Variants in IL1RAPL2 observed in about 807,000 individuals in gnomAD.
IL1RAPL2 encodes the protein X-linked interleukin-1 receptor accessory protein-like 2.
Under a neutral mutation model 44.1 loss-of-function variants are expected in IL1RAPL2, and 3 were observed. That is an observed-to-expected ratio of 0.07 (90% CI 0.03 to 0.18). IL1RAPL2 has a LOEUF of 0.18. Ranked by LOEUF, IL1RAPL2 falls within the 10% of genes least tolerant of loss-of-function variation. The probability of loss-of-function intolerance (pLI) is 1.00; values close to 1 mark genes in which losing one functional copy is unlikely to be tolerated. For synonymous variants in IL1RAPL2, 181 were observed against 178.8 expected (o/e 1.01, Z -0.10); for missense variants, 391 against 496.4 (o/e 0.79, Z 2.02).
At chrX:105,494,193 G>C (rs998851964) in intron 6 of IL1RAPL2, among the ~76,000 whole-genome samples, 3 of 111,476 alleles carry the variant, frequency 2.7e-5, no homozygotes, top group Non-Finnish European at 5.6e-5. Flanking sequence ...TGTCTGTGTT[G>C]ATATCAATAC....
At chrX:105,281,407 G>A (rs1288218596) in intron 5 of IL1RAPL2, among the ~76,000 whole-genome samples, 1 of 111,620 alleles carries the variant, frequency 9.0e-6, no homozygotes, top group Non-Finnish European at 1.9e-5. Context: ...ATGTACCCCA[G>A]AACTTAAAGT....
At chrX:104,670,625 G>T (rs192855613) in intron 2 of IL1RAPL2, among the ~76,000 whole-genome samples, 4 of 110,625 alleles carry the variant, frequency 3.6e-5, no homozygotes, top group Admixed American at 9.6e-5. Context: ...TTAGATTCGG[G>T]GGTATACACG....
intron 2 of IL1RAPL2, among the ~76,000 whole-genome samples, chrX:104,771,571 T>A (rs2147597706): frequency 8.9e-6 from 1 of 112,571 alleles, no homozygotes; most frequent in South Asian, 3.7e-4. Flanking sequence ...ACCATAATAG[T>A]TGGGTTTTTT....
intron 4 of IL1RAPL2, among the ~76,000 whole-genome samples, chrX:105,262,691 A>G (rs1356237921): frequency 1.8e-5 from 2 of 111,470 alleles, no homozygotes; most frequent in Admixed American, 9.6e-5. Flanking sequence ...GTGGGCTACC[A>G]ATATCAACAT....
At chrX:105,701,947 G>A (rs1213149900) in intron 6 of IL1RAPL2, among the ~76,000 whole-genome samples, 1 of 111,058 alleles carries the variant, frequency 9.0e-6, no homozygotes, top group Middle Eastern at 4.2e-3. Context: ...ATTTCCATAG[G>A]TATTTGTGTT....
chrX:105,103,954 T>C (rs146886701), intron 2 of IL1RAPL2, among the ~76,000 whole-genome samples: 1,456 of 112,248 alleles, frequency 0.013, 29 homozygotes, highest in African/African-American at 0.044. Context: ...TGGGTAAAAG[T>C]CTACCCTGGT....
intron 3 of IL1RAPL2, among the ~76,000 whole-genome samples, chrX:105,229,493 C>A (rs2034048505): frequency 8.9e-6 from 1 of 112,161 alleles, no homozygotes; most frequent in Middle Eastern, 4.6e-3. Flanking sequence ...ATGTCAGTGA[C>A]CACAATGAGA....
At chrX:105,574,888 C>T (rs1217036179) in intron 6 of IL1RAPL2, among the ~76,000 whole-genome samples, 1 of 111,276 alleles carries the variant, frequency 9.0e-6, no homozygotes. Flanking sequence ...GCATTCTATA[C>T]AACATGCTAA....
intron 5 of IL1RAPL2, among the ~76,000 whole-genome samples, chrX:105,444,553 T>C (rs1188181164): frequency 8.9e-6 from 1 of 111,869 alleles, no homozygotes; most frequent in African/African-American, 3.2e-5. Flanking sequence ...TTCTTCTGCA[T>C]ATTTTTTAAT....
chrX:104,947,676 C>T (rs1925423815), intron 2 of IL1RAPL2, among the ~76,000 whole-genome samples: 1 of 110,176 alleles, frequency 9.1e-6, no homozygotes, highest in Non-Finnish European at 1.9e-5. Context: ...AATAGGGAAT[C>T]CTTTCCCCAT....
chrX:104,682,432 A>G (rs1156720574), intron 2 of IL1RAPL2, among the ~76,000 whole-genome samples: 3 of 112,606 alleles, frequency 2.7e-5, no homozygotes, highest in Non-Finnish European at 5.6e-5. Flanking sequence ...TCATTATATC[A>G]TACATATACA....
At chrX:105,035,779 A>T (rs7058635) in intron 2 of IL1RAPL2, among the ~76,000 whole-genome samples, 4,341 of 112,412 alleles carry the variant, frequency 0.039, 231 homozygotes, top group African/African-American at 0.13. Flanking sequence ...GCATATTTAT[A>T]TTTAAAGAGA....
intron 6 of IL1RAPL2, among the ~76,000 whole-genome samples, chrX:105,701,712 T>C (rs1023488106): frequency 8.0e-5 from 9 of 112,124 alleles, no homozygotes; most frequent in African/African-American, 2.9e-4. Context: ...TATTTGATCA[T>C]TTTAAGAGCA....
chrX:104,970,964 C>T (rs190471668), intron 2 of IL1RAPL2, among the ~76,000 whole-genome samples: 1 of 111,929 alleles, frequency 8.9e-6, no homozygotes, highest in South Asian at 3.8e-4. Flanking sequence ...ATTGTCTTTA[C>T]CTAGAACTTT....
chrX:104,585,342 AT>A (rs1928522382), intron 1 of IL1RAPL2, among the ~76,000 whole-genome samples: 1 of 13,323 alleles, frequency 7.5e-5, no homozygotes, highest in Non-Finnish European at 1.1e-4. Context: ...TATATTATAT[AT>A]TATATATATT....
chrX:105,661,446 A>G (rs924099403), intron 6 of IL1RAPL2, among the ~76,000 whole-genome samples: 2 of 112,216 alleles, frequency 1.8e-5, no homozygotes, highest in Non-Finnish European at 3.8e-5. Context: ...TTTACAGAAC[A>G]TTTCATCCAA....
At chrX:104,813,931 T>C (rs1209538062) in intron 2 of IL1RAPL2, among the ~76,000 whole-genome samples, 1 of 112,068 alleles carries the variant, frequency 8.9e-6, no homozygotes, top group Non-Finnish European at 1.9e-5. Context: ...GTAATTGTCA[T>C]TTTGAAGGTC....
intron 2 of IL1RAPL2, among the ~76,000 whole-genome samples, chrX:105,017,945 A>T (rs1473079813): frequency 7.2e-5 from 8 of 111,675 alleles, no homozygotes; most frequent in Admixed American, 5.7e-4. Flanking sequence ...GCTGATTCTC[A>T]CCTGTTCTTA....
chrX:105,354,736 T>A (rs1248070404), intron 5 of IL1RAPL2, among the ~76,000 whole-genome samples: 1 of 111,659 alleles, frequency 9.0e-6, no homozygotes, highest in Non-Finnish European at 1.9e-5. Flanking sequence ...TTACCCTACC[T>A]ATTCTCCTAA....
Sources: gnomAD v4.1 joint callset for allele counts (sites outside exome capture counted in the v4.1 genomes callset) on GRCh38, gnomAD v4.1.1 for gene constraint, MANE v1.5 for transcripts, NCBI Gene and HGNC (gene_info 2026-07-23, HGNC 2026-07-21) for gene names.